The following DCLK2 variants were observed in gnomAD, a reference collection of about 807,000 sequenced individuals.
DCLK2 encodes serine/threonine-protein kinase DCLK2.
In DCLK2, 31 loss-of-function variants were observed where a neutral mutation model predicts 78.4. The ratio of observed to expected loss-of-function variants is 0.40; its 90% CI spans 0.30 to 0.53. The LOEUF is 0.53. Among genes scored for constraint, DCLK2 ranks in the 20% least tolerant of loss-of-function variants. The pLI is 0.61. For synonymous variants in DCLK2, 407 were observed against 374.9 expected, an observed-to-expected ratio of 1.09 and a Z score of -0.99; for missense variants, 872 against 973.7, an observed-to-expected ratio of 0.90 and a Z score of 1.39.
chr4:150,164,535 A>C (rs898889559), intron 2 of DCLK2, among the ~76,000 whole-genome samples: 1 of 152,246 alleles, frequency 6.6e-6, no homozygotes, highest in African/African-American at 2.4e-5. Flanking sequence ...GTGGTGGCTC[A>C]CACCTGTAAT....
intron 4 of DCLK2, among the ~76,000 whole-genome samples, chr4:150,198,419 A>G (rs545601267): frequency 5.9e-5 from 9 of 152,106 alleles, no homozygotes; most frequent in Admixed American, 1.3e-4. Flanking sequence ...TTTGTGCTCT[A>G]TGATTGTGGA....
chr4:150,135,876 G>C (rs1733651994), intron 2 of DCLK2, among the ~76,000 whole-genome samples: 1 of 152,230 alleles, frequency 6.6e-6, no homozygotes, highest in Non-Finnish European at 1.5e-5. Context: ...GAAGCTGCTT[G>C]CTTATGGAAG....
chr4:150,146,737 C>T (rs1318627428), intron 2 of DCLK2, among the ~76,000 whole-genome samples: 1 of 151,976 alleles, frequency 6.6e-6, no homozygotes, highest in Non-Finnish European at 1.5e-5. Flanking sequence ...TTAAAGAATC[C>T]TCAGATATAT....
chr4:150,207,335 C>G (rs1739915203), intron 5 of DCLK2, among the ~76,000 whole-genome samples: 1 of 152,124 alleles, frequency 6.6e-6, no homozygotes, highest in African/African-American at 2.4e-5. Flanking sequence ...TAAGGGTAAG[C>G]AGAATTTGAT....
At chr4:150,250,183 GA>G (rs982413589) in intron 15 of DCLK2, among the ~76,000 whole-genome samples, 4 of 151,956 alleles carry the variant, frequency 2.6e-5, no homozygotes, top group Admixed American at 1.3e-4. Flanking sequence ...CATAATCAAG[GA>G]AAAAAATATA....
chr4:150,249,729 TGAA>T, intron 15 of DCLK2, 45 bp downstream of exon 15: 1 of 1,503,288 alleles, frequency 6.7e-7, no homozygotes, highest in Non-Finnish European at 9.3e-7. Context: ...GAGCCGGCCT[TGAA>T]GTTTTTGAAT....
chr4:150,139,522 GTTAA>G (rs1733963349), intron 2 of DCLK2, among the ~76,000 whole-genome samples: 1 of 152,214 alleles, frequency 6.6e-6, no homozygotes, highest in African/African-American at 2.4e-5. Flanking sequence ...CAGGAGCACA[GTTAA>G]TTAATGTGTG....
chr4:150,203,105 A>G (rs1027182105), intron 4 of DCLK2, among the ~76,000 whole-genome samples: 2 of 152,206 alleles, frequency 1.3e-5, no homozygotes, highest in Admixed American at 6.5e-5. Context: ...AAAGAAGCGT[A>G]TGGAGGTTTA....
chr4:150,193,583 C>G (rs978506650), intron 3 of DCLK2, among the ~76,000 whole-genome samples: 5 of 152,174 alleles, frequency 3.3e-5, no homozygotes, highest in Non-Finnish European at 5.9e-5. Context: ...GCTGTGCCAA[C>G]TTAAATGCAT....
chr4:150,100,201 C>T (rs1013195418), intron 1 of DCLK2, among the ~76,000 whole-genome samples: 1 of 152,136 alleles, frequency 6.6e-6, no homozygotes, highest in Non-Finnish European at 1.5e-5. Flanking sequence ...GCATGAGGCA[C>T]CATGCCCAGC....
intron 8 of DCLK2, among the ~76,000 whole-genome samples, chr4:150,229,057 A>G (rs1016657085): frequency 4.7e-5 from 7 of 147,812 alleles, no homozygotes; most frequent in African/African-American, 7.6e-5. Flanking sequence ...AAAAAAAACT[A>G]TGGCTGGAAT....
At chr4:150,147,659 GT>G (rs5862909) in intron 2 of DCLK2, among the ~76,000 whole-genome samples, 45,206 of 151,978 alleles carry the variant, frequency 0.3, 6,817 homozygotes, top group East Asian at 0.34. Flanking sequence ...AATTTGTATT[GT>G]AAAAACTGGG....
intron 15 of DCLK2, 77 bp from the exon 16 acceptor site, chr4:150,255,943 T>C: frequency 6.4e-7 from 1 of 1,557,700 alleles, no homozygotes; most frequent in Non-Finnish European, 8.7e-7. Flanking sequence ...GCATGCTCTG[T>C]TGTGCTCTCT....
chr4:150,206,607 G>A (rs1356459734), intron 5 of DCLK2, among the ~76,000 whole-genome samples: 1 of 152,100 alleles, frequency 6.6e-6, no homozygotes, highest in Non-Finnish European at 1.5e-5. Context: ...AAAATGCTAG[G>A]AATATAGTTC....
At chr4:150,188,187 A>G (rs1289622748) in intron 2 of DCLK2, among the ~76,000 whole-genome samples, 3 of 152,126 alleles carry the variant, frequency 2.0e-5, no homozygotes, top group African/African-American at 4.8e-5. Flanking sequence ...TAGTTGAAAA[A>G]TTGTGCCCAG....
Position 150,224,546 on chromosome 4 carries a change from A to G in DCLK2, c.1287A>G (p.Lys429=). ...CCCTAAAGATTATAGACAAAGCCAA[A>G]TGTTGTGGAAAGGTATAGTATGCAT... ...EFALKIIDKA[K]CCGKEHLIEN... is the part of the protein sequence containing the mutation. Residue 429 remains lysine, a synonymous_variant, in exon 8 of 16, where the codon AAA becomes AAG. Transcript: ENST00000296550. 1 of 1,612,580 alleles carries G rather than the reference A, an allele frequency of 6.2e-7. No individual in the cohort carries two copies. The highest frequency in any genetic ancestry group is 8.5e-7 in the Non-Finnish European group (1 of 1,179,430).
chr4:150,083,737 A>G lies in DCLK2; in HGVS notation c.421+4289A>G, dbSNP rs77903164. On this transcript the variant is annotated intron_variant, in intron 1 of 15. Coordinates refer to ENST00000296550, the MANE Select transcript of DCLK2 (RefSeq NM_001040260.4). The stretch of plus-strand genomic sequence containing the variant: ...ATGCACACTAAAGTCATGCATGGTG[A>G]TTGGACTTGGAAAGTTAATATTGAA... 3.8e-4 allele frequency among the ~76,000 whole-genome samples: 58 copies of G among 152,318 alleles called. No homozygotes were observed. The East Asian group carries it at 0.011, about 28-fold the overall frequency.
chr4:150,109,381 C>CTGGAGTG (rs1285954632), intron 2 of DCLK2, among the ~76,000 whole-genome samples: 4 of 150,396 alleles, frequency 2.7e-5, no homozygotes, highest in Non-Finnish European at 5.9e-5. Context: ...TGTCGCCAGG[C>CTGGAGTG]TGGAGTGCAG....
chr4:150,166,198 A>G (rs115200573), intron 2 of DCLK2, among the ~76,000 whole-genome samples: 1,929 of 152,274 alleles, frequency 0.013, 44 homozygotes, highest in African/African-American at 0.044. Flanking sequence ...GTTATTTAAA[A>G]ATCTAACACG....
Sources: gnomAD v4.1 joint callset for allele counts (sites outside exome capture counted in the v4.1 genomes callset) on GRCh38, gnomAD v4.1.1 for gene constraint, MANE v1.5 for transcripts, NCBI Gene and HGNC (gene_info 2026-07-23, HGNC 2026-07-21) for gene names.